ANTXR2: variants seen among roughly 807,000 people sequenced by gnomAD.
ANTXR2 encodes anthrax toxin receptor 2.
A neutral mutation model predicts 73.7 loss-of-function variants in ANTXR2; 44 were observed. That is an observed-to-expected ratio of 0.60 (90% CI 0.47 to 0.77). The LOEUF (loss-of-function observed/expected upper bound fraction) is 0.77, where lower values mean the gene tolerates loss of function less well. Ranked by LOEUF, ANTXR2 falls within the 30% of genes least tolerant of loss-of-function variation. ANTXR2 has a pLI of 0.00. For synonymous variants in ANTXR2, 217 were observed against 205.9 expected (o/e 1.05, Z -0.46); for missense variants, 604 against 592.5 (o/e 1.02, Z -0.20).
intron 7 of ANTXR2, among the ~76,000 whole-genome samples, chr4:80,047,416 G>A (rs1379929326): frequency 6.6e-6 from 1 of 151,664 alleles, no homozygotes; most frequent in Non-Finnish European, 1.5e-5. Context: ...AATATAGTGA[G>A]CTGTCATCAC....
chr4:79,963,975 G>A (rs1168277218), intron 16 of ANTXR2, among the ~76,000 whole-genome samples: 3 of 152,176 alleles, frequency 2.0e-5, no homozygotes, highest in African/African-American at 7.2e-5. Flanking sequence ...ATTAGTTAAA[G>A]TCAATTCAAT....
At chr4:79,989,317 T>A (rs1011081470) in intron 12 of ANTXR2, among the ~76,000 whole-genome samples, 3 of 151,568 alleles carry the variant, frequency 2.0e-5, no homozygotes, top group Non-Finnish European at 2.9e-5. Context: ...ACATTAGAGA[T>A]CCCAAAGAAA....
chr4:79,947,167 CT>C (rs1728546055), intron 16 of ANTXR2, among the ~76,000 whole-genome samples: 1 of 152,092 alleles, frequency 6.6e-6, no homozygotes, highest in Non-Finnish European at 1.5e-5. Context: ...AATAGTTTTC[CT>C]TCAAATTTAA....
Position 80,072,439 on chromosome 4 carries a change from C to T in ANTXR2, c.122G>A (p.Arg41Lys). ...LRAQEQPSCR[R>K]AFDLYFVLDK... ...CAGGACGAAGTAGAGATCAAAGGCTCTTCTGCAGGAGGGCTGCTCCTGGGC... is the reference window on the plus strand; with the variant it reads ...CAGGACGAAGTAGAGATCAAAGGCTTTTCTGCAGGAGGGCTGCTCCTGGGC... Residue 41 changes from arginine (R) to lysine (K), a missense_variant, in exon 1 of 17, where the codon AGA becomes AAA. Transcript: ENST00000403729. 1.2e-6 allele frequency: 2 copies of T among 1,607,488 alleles called. No individual in the cohort carries two copies. The highest frequency in any genetic ancestry group is 1.7e-6 in the Non-Finnish European group (2 of 1,177,336).
intron 16 of ANTXR2, among the ~76,000 whole-genome samples, chr4:79,937,053 AT>A (rs1366389089): frequency 1.6e-5 from 2 of 122,382 alleles, no homozygotes; most frequent in African/African-American, 5.2e-5. Flanking sequence ...TGTATTAATA[AT>A]TTTTACTTTT....
chr4:80,063,397 C>A (rs1734351750), intron 3 of ANTXR2, among the ~76,000 whole-genome samples: 1 of 151,544 alleles, frequency 6.6e-6, no homozygotes, highest in African/African-American at 2.4e-5. Flanking sequence ...CCTCTGAATT[C>A]CATTTTGATT....
At chr4:79,993,782 A>ACACG (rs755550984) in intron 12 of ANTXR2, among the ~76,000 whole-genome samples, 1 of 151,402 alleles carries the variant, frequency 6.6e-6, no homozygotes, top group Non-Finnish European at 1.5e-5. Flanking sequence ...ACACACACAC[A>ACACG]CATGCACTTT....
intron 7 of ANTXR2, among the ~76,000 whole-genome samples, chr4:80,041,181 A>G (rs556262523): frequency 6.6e-6 from 1 of 152,190 alleles, no homozygotes; most frequent in African/African-American, 2.4e-5. Context: ...CCCTAGAAGA[A>G]TTAGCTCTTA....
At chr4:80,017,616 A>C (rs1033847021) in intron 11 of ANTXR2, among the ~76,000 whole-genome samples, 2 of 152,202 alleles carry the variant, frequency 1.3e-5, no homozygotes, top group Non-Finnish European at 2.9e-5. Flanking sequence ...GATAGGAACA[A>C]AGACCTGTTT....
intron 12 of ANTXR2, among the ~76,000 whole-genome samples, chr4:80,003,683 T>C (rs535299619): frequency 3.3e-5 from 5 of 152,216 alleles, no homozygotes; most frequent in African/African-American, 9.6e-5. Context: ...CTAGCTGTTA[T>C]AGAAACTCAA....
chr4:79,950,778 G>A (rs4554013), intron 16 of ANTXR2, among the ~76,000 whole-genome samples: 13,863 of 152,082 alleles, frequency 0.091, 721 homozygotes, highest in Middle Eastern at 0.23. Context: ...CAAGCCTGAC[G>A]TTCCTGCCAA....
chr4:79,975,799 G>C (rs1560924898), intron 16 of ANTXR2, among the ~76,000 whole-genome samples: 1 of 152,114 alleles, frequency 6.6e-6, no homozygotes, highest in Non-Finnish European at 1.5e-5. Flanking sequence ...ACAGTGATTG[G>C]ATCATGACAG....
At chr4:80,067,618 T>C (rs1176348665) in intron 3 of ANTXR2, among the ~76,000 whole-genome samples, 3 of 152,246 alleles carry the variant, frequency 2.0e-5, no homozygotes, top group Admixed American at 2.0e-4. Context: ...AGGCGAGAAC[T>C]GTTAAATCAC....
rs1468947428 is a variant in ANTXR2, at chr4:79,985,086, T to C, written c.1042-223A>G. 1.3e-5 allele frequency among the ~76,000 whole-genome samples: 2 copies of C among 151,952 alleles called. 1 individual carries two copies. Among genetic ancestry groups the C allele is most frequent in the Non-Finnish European group, 2.9e-5 (2 of 67,974 alleles). Reference sequence around the variant, plus strand: ...GAAGTGGGCCAGGTGCGGTCGCTCATGCCTGTAATCCCAGCACTTTGGGAA... The same window carrying C: ...GAAGTGGGCCAGGTGCGGTCGCTCACGCCTGTAATCCCAGCACTTTGGGAA... On this transcript the variant is annotated intron_variant, in intron 12 of 16. Transcript: ENST00000403729.
chr4:80,030,849 C>T (rs1208507922), intron 10 of ANTXR2, among the ~76,000 whole-genome samples: 2 of 151,880 alleles, frequency 1.3e-5, no homozygotes, highest in African/African-American at 2.4e-5. Flanking sequence ...ATAAAGAGAT[C>T]CTAGAAAACT....
chr4:79,984,766 T>C lies in ANTXR2; in HGVS notation c.1086+53A>G, dbSNP rs948110724. 4.7e-6 allele frequency: 7 copies of C among 1,475,532 alleles called. No individual in the cohort carries two copies. In the African/African-American group the frequency reaches 7.0e-5, roughly 15 times the overall value. The allele number at this position is 1,475,532 out of a possible 1,614,324, so 91.4% of individuals were successfully genotyped here. ...AAATTGATTAAATTTGGGCATGGTATCTGCATTTGGAAAAAAAAAACAGCC... is the reference window on the plus strand; with the variant it reads ...AAATTGATTAAATTTGGGCATGGTACCTGCATTTGGAAAAAAAAAACAGCC... On this transcript the variant is annotated intron_variant, in intron 13 of 16. Transcript: ENST00000403729.
At chr4:79,936,764 TTC>T (rs1578098390) in intron 16 of ANTXR2, among the ~76,000 whole-genome samples, 1 of 152,276 alleles carries the variant, frequency 6.6e-6, no homozygotes, top group East Asian at 1.9e-4. Context: ...TCACTTTAAG[TTC>T]TGATTATTAA....
intron 2 of ANTXR2, 125 bp downstream of exon 2, chr4:80,071,458 C>A: frequency 1.3e-6 from 1 of 764,862 alleles, no homozygotes; most frequent in Non-Finnish European, 2.3e-6. Context: ...GTGTGCAATA[C>A]GACCTTGAGG....
At chr4:79,926,989 A>ATACACATGTGCATATATG (rs1727832335) in intron 16 of ANTXR2, among the ~76,000 whole-genome samples, 1 of 145,898 alleles carries the variant, frequency 6.9e-6, no homozygotes, top group African/African-American at 2.6e-5. Flanking sequence ...GTGTGCATAT[A>ATACACATGTGCATATATG]TGTGTATATA....
Sources: gnomAD v4.1 joint callset for allele counts (sites outside exome capture counted in the v4.1 genomes callset) on GRCh38, gnomAD v4.1.1 for gene constraint, MANE v1.5 for transcripts, NCBI Gene and HGNC (gene_info 2026-07-23, HGNC 2026-07-21) for gene names.